Variants in EIF4E2 observed in about 807,000 individuals in gnomAD.
EIF4E2 encodes eukaryotic translation initiation factor 4E type 2.
A neutral mutation model predicts 34.2 loss-of-function variants in EIF4E2; 13 were observed. That is an observed-to-expected ratio of 0.38 (90% CI 0.25 to 0.60). The LOEUF (loss-of-function observed/expected upper bound fraction) is 0.60, where lower values mean the gene tolerates loss of function less well. EIF4E2 is among the 20% of genes least tolerant of loss of function. EIF4E2 has a pLI of 0.62. For synonymous variants in EIF4E2, 100 were observed against 106.6 expected (o/e 0.94, Z 0.38); for missense variants, 222 against 315.1 (o/e 0.70, Z 2.24).
At chr2:232,564,152 C>A in intron 3 of EIF4E2, 95 bp from the exon 4 acceptor site, 5 of 768,878 alleles carry the variant, frequency 6.5e-6, no homozygotes, top group Non-Finnish European at 1.1e-5. Context: ...ATAGTGTCTT[C>A]CATGCTTATG....
intron 1 of EIF4E2, among the ~76,000 whole-genome samples, chr2:232,552,267 A>C (rs1692364789): frequency 6.6e-6 from 1 of 152,086 alleles, no homozygotes; most frequent in South Asian, 2.1e-4. Flanking sequence ...GCTGGAGTGC[A>C]GTGGTGTCAT....
downstream of EIF4E2, among the ~76,000 whole-genome samples, chr2:232,570,748 C>T (rs930956213): frequency 6.6e-6 from 1 of 152,126 alleles, no homozygotes; most frequent in Non-Finnish European, 1.5e-5. Flanking sequence ...ACCAGCCTGG[C>T]CAACATGGTG....
At chr2:232,565,599 A>G (rs2106246985) in intron 4 of EIF4E2, among the ~76,000 whole-genome samples, 1 of 150,930 alleles carries the variant, frequency 6.6e-6, no homozygotes, top group African/African-American at 2.4e-5. Context: ...GTGCCACTGC[A>G]CTCCAGCCTG....
chr2:232,556,567 C>G (rs1026240782), intron 2 of EIF4E2, 37 bp downstream of exon 2: 33 of 1,358,462 alleles, frequency 2.4e-5, no homozygotes, highest in Non-Finnish European at 2.7e-5. Flanking sequence ...TGCCTTTGAA[C>G]TTGAGACTTT....
In EIF4E2 at chr2:232,574,545, C is replaced by T. The variant is rs115103374; in HGVS notation, c.666-6359C>T. On this transcript the variant is annotated intron_variant, in intron 6 of 6. Coordinates refer to the EIF4E2 transcript ENST00000409098. Reference sequence around the variant, plus strand: ...CAGGCTACGTCACCTTATTATGCCCCTATTTTCTCATCTGGAAAATGAGGC... The same window carrying T: ...CAGGCTACGTCACCTTATTATGCCCTTATTTTCTCATCTGGAAAATGAGGC... Among the ~76,000 whole-genome samples, 541 of 152,326 alleles carry T rather than the reference C, an allele frequency of 3.6e-3. 1 individual carries two copies. Among genetic ancestry groups the T allele is most frequent in the African/African-American group, 0.012 (506 of 41,578 alleles).
chr2:232,556,760 G>A (rs1692539224), intron 2 of EIF4E2, among the ~76,000 whole-genome samples: 2 of 152,178 alleles, frequency 1.3e-5, no homozygotes, highest in Admixed American at 1.3e-4. Flanking sequence ...CGTTCTCCTA[G>A]CCTGAGATGG....
intron 3 of EIF4E2, among the ~76,000 whole-genome samples, chr2:232,561,846 C>G (rs76453283): frequency 2.0e-5 from 3 of 150,054 alleles, no homozygotes; most frequent in African/African-American, 7.4e-5. Flanking sequence ...CTTTCGGCAC[C>G]TCATATTCTG....
chr2:232,573,415 G>A (rs183629115), downstream of EIF4E2, among the ~76,000 whole-genome samples: 1 of 152,262 alleles, frequency 6.6e-6, no homozygotes, highest in Non-Finnish European at 1.5e-5. Flanking sequence ...GGGCTGAAAA[G>A]TGGCTAGGGC....
At position 232,558,008 on chromosome 2, in the gene EIF4E2, C is replaced by T. The variant is rs554396964; in HGVS notation, c.260C>T (p.Thr87Ile). ...SYEQNIKQIG[T>I]FASVEQFWRF... ...GAACAGAATATCAAACAGATTGGCACCTTTGCCTCTGTGAGTTCTTGGTGA... is the reference window on the plus strand; with the variant it reads ...GAACAGAATATCAAACAGATTGGCATCTTTGCCTCTGTGAGTTCTTGGTGA... Residue 87 changes from threonine (T) to isoleucine (I), a missense_variant, in exon 3 of 7, where the codon ACC (threonine) becomes ATC (isoleucine). By Grantham distance (89) the Thr-to-Ile change is moderately conservative (BLOSUM62 -1). This residue lies in a region of EIF4E2 where 105 missense variants were observed against 195.1 expected (regional missense o/e 0.54). Transcript: ENST00000258416. 6.2e-7 allele frequency: 1 copy of T among 1,614,086 alleles called. No homozygotes were observed. The highest frequency in any genetic ancestry group is 2.2e-5 in the East Asian group (1 of 44,872).
At chr2:232,562,277 T>A (rs543138868) in intron 3 of EIF4E2, among the ~76,000 whole-genome samples, 1 of 152,268 alleles carries the variant, frequency 6.6e-6, no homozygotes, top group South Asian at 2.1e-4. Flanking sequence ...TCTTATGGTT[T>A]GCATATAAGA....
chr2:232,571,460 C>G (rs901385636), downstream of EIF4E2, among the ~76,000 whole-genome samples: 2 of 152,172 alleles, frequency 1.3e-5, no homozygotes, highest in South Asian at 2.1e-4. Context: ...AAACTGGGCT[C>G]GGAGCCATAT....
At chr2:232,559,551 A>C (rs999046657) in intron 3 of EIF4E2, among the ~76,000 whole-genome samples, 3 of 152,202 alleles carry the variant, frequency 2.0e-5, no homozygotes, top group African/African-American at 7.2e-5. Flanking sequence ...TTATTTGTAT[A>C]ATTTCCTTCC....
rs1692617349 is a variant in EIF4E2, at chr2:232,558,888, AT to A, written c.270+871del. 5 of 152,142 alleles carry A rather than the reference AT, an allele frequency of 3.3e-5. No homozygotes were observed. In the South Asian group the frequency reaches 1.0e-3, roughly 32 times the overall value. 9.4% of individuals were successfully genotyped at this position (152,142 alleles called of 1,614,324 possible). ...GCAGTCAGAGAGCCCAGACTGTCTC[AT>A]CTCTCTCCCAGGTGACTTGGTTTGT... On this transcript the variant is annotated intron_variant, in intron 3 of 6. Coordinates refer to ENST00000258416, the MANE Select transcript of EIF4E2 (RefSeq NM_004846.4).
downstream of EIF4E2, among the ~76,000 whole-genome samples, chr2:232,573,194 A>T (rs553959214): frequency 1.3e-5 from 2 of 152,320 alleles, no homozygotes; most frequent in African/African-American, 4.8e-5. Context: ...TAGCACATAC[A>T]CTAGGAGCTT....
At chr2:232,572,658 G>A (rs577024781), downstream of EIF4E2, among the ~76,000 whole-genome samples, 374 of 152,298 alleles carry the variant, frequency 2.5e-3, 2 homozygotes, top group African/African-American at 8.1e-3. Flanking sequence ...CATGGTGCCC[G>A]GCTGTGAGGA....
chr2:232,551,335 A>G (rs1382703290), intron 1 of EIF4E2: 1 of 469,088 alleles, frequency 2.1e-6, no homozygotes, highest in Non-Finnish European at 4.4e-6. Context: ...CACACTCGCC[A>G]AGACCTAAGT....
intron 1 of EIF4E2, among the ~76,000 whole-genome samples, chr2:232,551,485 C>T (rs62191568): frequency 0.053 from 8,133 of 152,268 alleles, 283 homozygotes; most frequent in Middle Eastern, 0.095. Flanking sequence ...GTTCCTTCCT[C>T]TCTTCTAGTA....
chr2:232,580,158 T>C (rs1315329966), intron 6 of EIF4E2, among the ~76,000 whole-genome samples: 1 of 151,338 alleles, frequency 6.6e-6, no homozygotes, highest in Non-Finnish European at 1.5e-5. Context: ...GCCATGTTTC[T>C]AAAGTAAAGT....
chr2:232,552,427 G>A (rs574566645), intron 1 of EIF4E2, among the ~76,000 whole-genome samples: 1 of 152,172 alleles, frequency 6.6e-6, no homozygotes, highest in African/African-American at 2.4e-5. Flanking sequence ...TGCCCAGGCC[G>A]ATCTCGAACT....
Sources: allele counts gnomAD v4.1 joint callset (sites outside exome capture counted in the v4.1 genomes callset), GRCh38; gene constraint gnomAD v4.1.1; regional missense constraint gnomAD v4.1.1; transcripts MANE v1.5; gene names NCBI Gene and HGNC (gene_info 2026-07-23, HGNC 2026-07-21).